Variants in CACNA1S observed in about 807,000 individuals in gnomAD.
The protein encoded by CACNA1S is voltage-dependent L-type calcium channel subunit alpha-1S.
In CACNA1S, 126 loss-of-function variants were observed where a neutral mutation model predicts 207.4. The observed-to-expected ratio is 0.61, with a 90% CI of 0.53 to 0.70. CACNA1S has a LOEUF of 0.70. Ranked by LOEUF, CACNA1S falls within the 30% of genes least tolerant of loss-of-function variation. The pLI, the probability that CACNA1S is intolerant of heterozygous loss-of-function variation, is 0.00. For synonymous variants in CACNA1S, 960 were observed against 932.7 expected (o/e 1.03, Z -0.53); for missense variants, 2,349 against 2,422.8 (o/e 0.97, Z 0.64).
intron 2 of CACNA1S, among the ~76,000 whole-genome samples, chr1:201,107,385 A>G (rs16847743): frequency 0.022 from 3,328 of 152,262 alleles, 118 homozygotes; most frequent in African/African-American, 0.076. Context: ...CTACCATAAT[A>G]TCCCCAAATC....
At chr1:201,102,950 G>T (rs1046659715) in intron 2 of CACNA1S, among the ~76,000 whole-genome samples, 1 of 152,182 alleles carries the variant, frequency 6.6e-6, no homozygotes, top group Non-Finnish European at 1.5e-5. Context: ...AGAAGGAAGG[G>T]AATGAACATT....
At chr1:201,049,537 A>C (rs1406154875) in intron 34 of CACNA1S, among the ~76,000 whole-genome samples, 1 of 152,188 alleles carries the variant, frequency 6.6e-6, no homozygotes, top group African/African-American at 2.4e-5. Flanking sequence ...TGACTCCCAG[A>C]ATAGACATAA....
intron 12 of CACNA1S, among the ~76,000 whole-genome samples, 192 bp from the exon 13 acceptor site, chr1:201,075,807 G>C (rs980766205): frequency 2.0e-5 from 3 of 152,112 alleles, no homozygotes; most frequent in African/African-American, 7.2e-5. Context: ...AGTGGCTCAC[G>C]CCTGTTACTT....
chr1:201,094,038 G>A lies in CACNA1S; in HGVS notation c.259-17C>T. The A allele has an allele frequency of 6.2e-7, 1 of 1,614,088 alleles. No homozygotes were observed. Among genetic ancestry groups the A allele is most frequent in the South Asian group, 1.1e-5 (1 of 91,064 alleles). Reference sequence around the variant, plus strand: ...CAGCTTCTCCTGTGGGAGCAAACGTGGTCACAGCATGCCTCTGTGCTCTCT... The same window carrying A: ...CAGCTTCTCCTGTGGGAGCAAACGTAGTCACAGCATGCCTCTGTGCTCTCT... On this transcript the variant is annotated splice_polypyrimidine_tract_variant and intron_variant, in intron 2 of 43. Transcript: ENST00000362061.
chr1:201,066,271 C>A lies in CACNA1S; in HGVS notation c.2703G>T (p.Val901=). ...SVVKILRVLR[V]LRPLRAINRA... ...TGTTGATGGCTCTGAGTGGTCGGAG[C>A]ACCCTCAGCACCCTCAGGATCTTCA... Residue 901 remains valine (V), a synonymous_variant, in exon 21 of 44, where the codon GTG becomes GTT. Transcript: ENST00000362061. The surrounding 1 kb of genome is among the most constrained non-coding windows in gnomAD (Gnocchi z 4.3). The A allele has an allele frequency of 6.2e-7, 1 of 1,613,236 alleles. No individual in the cohort carries two copies. Among genetic ancestry groups the A allele is most frequent in the Non-Finnish European group, 8.5e-7 (1 of 1,179,956 alleles).
intron 16 of CACNA1S, among the ~76,000 whole-genome samples, chr1:201,071,546 T>C (rs1460471090): frequency 1.3e-5 from 2 of 152,196 alleles, no homozygotes; most frequent in Non-Finnish European, 2.9e-5. Context: ...TTTCAAACTA[T>C]TTTTAGAAAG....
chr1:201,111,181 C>T (rs1321979789), intron 1 of CACNA1S, among the ~76,000 whole-genome samples: 2 of 152,086 alleles, frequency 1.3e-5, no homozygotes, highest in Non-Finnish European at 2.9e-5. Flanking sequence ...ACCGCCTGGC[C>T]GAGAGCGGGT....
intron 28 of CACNA1S, among the ~76,000 whole-genome samples, chr1:201,055,366 C>T (rs1345687002): frequency 3.9e-5 from 6 of 152,152 alleles, no homozygotes; most frequent in African/African-American, 9.7e-5. Context: ...CTGAAGAACT[C>T]GAAAAACACA....
At chr1:201,048,512 T>C in intron 36 of CACNA1S, 70 bp downstream of exon 36, 1 of 1,276,614 alleles carries the variant, frequency 7.8e-7, no homozygotes, top group Admixed American at 1.7e-5. Flanking sequence ...GCTCTGAGAA[T>C]CTGGCAGAAT....
Position 201,062,027 on chromosome 1 carries a change from C to G in CACNA1S, c.2970G>C (p.Trp990Cys), listed in dbSNP as rs1572035834. 1 of 1,614,068 alleles carries G rather than the reference C, an allele frequency of 6.2e-7. No homozygotes were observed. Among genetic ancestry groups the G allele is most frequent in the South Asian group, 1.1e-5 (1 of 91,088 alleles). ...TGTCGAAGTGGAAGTCGCTGTGTAC[C>G]CACTCGCGGTGACGCAGCTCTATCT... is the stretch of plus-strand genomic sequence containing the variant. ...PMQIELRHREWVHSDFHFDNV... is the reference protein window; with the variant it reads ...PMQIELRHRECVHSDFHFDNV... Residue 990 changes from tryptophan to cysteine, a missense_variant, in exon 24 of 44, where the codon TGG (tryptophan) becomes TGC (cysteine). Coordinates refer to ENST00000362061, the MANE Select transcript of CACNA1S (RefSeq NM_000069.3).
rs1485687436 is a variant in CACNA1S at position 201,053,044 on chromosome 1, C to T, written c.3861+165G>A. On this transcript the variant is annotated intron_variant, in intron 31 of 43. Coordinates refer to ENST00000362061, the MANE Select transcript of CACNA1S (RefSeq NM_000069.3). The surrounding 1 kb of genome is among the most constrained non-coding windows in gnomAD (Gnocchi z 5.1). ...GGCTGGCATCCAAGCATCTGACACT[C>T]CAGCCATCCACGATCAGGGAGGTTG... 6.6e-6 allele frequency among the ~76,000 whole-genome samples: 1 copy of T among 152,106 alleles called. No individual in the cohort carries two copies. The highest frequency in any genetic ancestry group is 2.4e-5 in the African/African-American group (1 of 41,430).
At chr1:201,067,731 T>G (rs1661299731) in intron 19 of CACNA1S, among the ~76,000 whole-genome samples, 1 of 152,210 alleles carries the variant, frequency 6.6e-6, no homozygotes, top group South Asian at 2.1e-4. Context: ...CCGCCCTAGC[T>G]ATCTCTACCC....
chr1:201,072,077 C>T (rs796917609), intron 16 of CACNA1S, among the ~76,000 whole-genome samples: 6 of 152,286 alleles, frequency 3.9e-5, no homozygotes, highest in African/African-American at 1.4e-4. Flanking sequence ...TCCGAAGGAC[C>T]CAGGACCCAG....
intron 8 of CACNA1S, 27 bp from the exon 9 acceptor site, chr1:201,085,058 C>T: frequency 3.8e-6 from 6 of 1,579,112 alleles, no homozygotes; most frequent in Non-Finnish European, 5.2e-6. Flanking sequence ...AAGAGTCAGC[C>T]AGCCTTCGGG....
chr1:201,081,318 C>T (rs1369234318), intron 10 of CACNA1S, among the ~76,000 whole-genome samples: 1 of 152,246 alleles, frequency 6.6e-6, no homozygotes, highest in Non-Finnish European at 1.5e-5. Flanking sequence ...TAAAAGACTT[C>T]CTTTTCATTC....
intron 19 of CACNA1S, 135 bp downstream of exon 19, chr1:201,069,002 G>A: frequency 3.8e-6 from 3 of 795,180 alleles, no homozygotes; most frequent in Admixed American, 2.0e-5. Flanking sequence ...CTGCCGGTGT[G>A]CTGGGTCCCA....
At chr1:201,057,788 T>C (rs4915473) in intron 28 of CACNA1S, among the ~76,000 whole-genome samples, 97,429 of 151,970 alleles carry the variant, frequency 0.64, 32,091 homozygotes, top group East Asian at 0.99. Context: ...ACGAGGAGAC[T>C]CCATCTCTAT....
rs1472556794 is a variant in CACNA1S at position 201,073,532 on chromosome 1, C to A, written c.2157+17G>T. The stretch of plus-strand genomic sequence containing the variant: ...AGCCCCTAGACTGCCTCTAACATCC[C>A]CACCTGAGGTGCTCACCTTGGCAGT... On this transcript the variant is annotated intron_variant, in intron 15 of 43. Transcript: ENST00000362061. 1 of 1,599,790 alleles carries A rather than the reference C, an allele frequency of 6.3e-7. No individual in the cohort carries two copies. The highest frequency in any genetic ancestry group is 1.1e-5 in the South Asian group (1 of 90,788).
chr1:201,092,756 C>A (rs1024666052), intron 3 of CACNA1S, among the ~76,000 whole-genome samples: 1 of 152,198 alleles, frequency 6.6e-6, no homozygotes, highest in Admixed American at 6.5e-5. Context: ...CCAACCAGGG[C>A]AGTTTGTAAA....
Sources: gnomAD v4.1 joint callset for allele counts (sites outside exome capture counted in the v4.1 genomes callset) on GRCh38, gnomAD v4.1.1 for gene constraint, Gnocchi (gnomAD v3.1) non-coding constraint, MANE v1.5 for transcripts, NCBI Gene and HGNC (gene_info 2026-07-23, HGNC 2026-07-21) for gene names.